The following FAP variants were observed in gnomAD, a reference collection of about 807,000 sequenced individuals.
FAP encodes the protein fibroblast activation protein alpha, also known as prolyl endopeptidase FAP.
A neutral mutation model predicts 126.5 loss-of-function variants in FAP; 110 were observed. That is an observed-to-expected ratio of 0.87 (90% CI 0.74 to 1.02). The LOEUF (loss-of-function observed/expected upper bound fraction) is 1.02, where lower values mean the gene tolerates loss of function less well. FAP is among the 50% of genes least tolerant of loss of function. FAP has a pLI of 0.00. For missense variants in FAP, 919 were observed against 909.2 expected, an observed-to-expected ratio of 1.01 and a Z score of -0.14; for synonymous variants, 334 against 297.3, an observed-to-expected ratio of 1.12 and a Z score of -1.27.
chr2:162,199,610 T>G (rs992880392), intron 15 of FAP, among the ~76,000 whole-genome samples: 1 of 152,196 alleles, frequency 6.6e-6, no homozygotes, highest in Non-Finnish European at 1.5e-5. Context: ...TTAGAGGATG[T>G]CATGCCAGGG....
intron 5 of FAP, 57 bp from the exon 6 acceptor site, chr2:162,223,717 A>G (rs879876579): frequency 1.9e-6 from 2 of 1,070,560 alleles, no homozygotes; most frequent in Admixed American, 1.7e-5. Context: ...GCTTATATCA[A>G]TAATGTATAA....
At chr2:162,195,817 G>C (rs1307655891) in intron 16 of FAP, among the ~76,000 whole-genome samples, 2 of 152,118 alleles carry the variant, frequency 1.3e-5, no homozygotes, top group Non-Finnish European at 2.9e-5. Context: ...TAGGTTAAAA[G>C]CAACAAATGT....
chr2:162,242,896 G>A lies in FAP; in HGVS notation c.91+12C>T. On this transcript the variant is annotated intron_variant, in intron 2 of 25. Transcript: ENST00000188790. ...TTCTAGGCAGATAGAGCAAATCAGA[G>A]AAAGTTCTTACCTCTTGAAGGGCGT... 1 of 1,607,940 alleles carries A rather than the reference G, an allele frequency of 6.2e-7. No homozygotes were observed. Among genetic ancestry groups the A allele is most frequent in the Non-Finnish European group, 8.5e-7 (1 of 1,175,338 alleles).
intron 11 of FAP, among the ~76,000 whole-genome samples, chr2:162,213,392 CAAAA>C (rs1386245442): frequency 2.8e-5 from 4 of 142,416 alleles, no homozygotes; most frequent in Admixed American, 2.1e-4. Context: ...AAACAAAAAA[CAAAA>C]AAACAAACAA....
chr2:162,186,632 T>G (rs1687876052), intron 20 of FAP, among the ~76,000 whole-genome samples: 1 of 152,118 alleles, frequency 6.6e-6, no homozygotes, highest in Non-Finnish European at 1.5e-5. Flanking sequence ...ATAAACAACT[T>G]TTTAGCTCTT....
intron 2 of FAP, among the ~76,000 whole-genome samples, chr2:162,232,339 C>A (rs1208841196): frequency 6.6e-6 from 1 of 152,224 alleles, no homozygotes; most frequent in Non-Finnish European, 1.5e-5. Context: ...GGTGAGCTAA[C>A]TTGCCTAATA....
chr2:162,238,759 T>C (rs890269397), intron 2 of FAP, among the ~76,000 whole-genome samples: 2 of 152,192 alleles, frequency 1.3e-5, no homozygotes, highest in Non-Finnish European at 2.9e-5. Context: ...TTGAAGATGA[T>C]TTTATCTCAC....
intron 11 of FAP, among the ~76,000 whole-genome samples, chr2:162,211,421 T>C (rs1688929229): frequency 6.6e-6 from 1 of 152,212 alleles, no homozygotes; most frequent in Non-Finnish European, 1.5e-5. Flanking sequence ...GTTGTTGTTA[T>C]AGCAGTTAGC....
chr2:162,195,011 T>C (rs545377457), intron 16 of FAP: 5 of 478,906 alleles, frequency 1.0e-5, no homozygotes, highest in African/African-American at 7.8e-5. Context: ...ATCATTAATA[T>C]CGAATTACAC....
chr2:162,171,016 G>T lies in FAP; in HGVS notation c.2246C>A (p.Thr749Asn), dbSNP rs1176627851. 6.2e-7 allele frequency: 1 copy of T among 1,613,326 alleles called. No individual in the cohort carries two copies. Among genetic ancestry groups the T allele is most frequent in the Admixed American group, 1.7e-5 (1 of 59,986 alleles). ...LSTNHLYTHM[T>N]HFLKQCFSLS... ...AGAGAAACACTGCTTTAGGAAGTGGGTCATGTGGGTGTATAAGTGGTTCGT... is the reference window on the plus strand; with the variant it reads ...AGAGAAACACTGCTTTAGGAAGTGGTTCATGTGGGTGTATAAGTGGTTCGT... Residue 749 changes from threonine (T) to asparagine (N), a missense_variant, in exon 26 of 26, where the codon ACC (threonine) becomes AAC (asparagine). Coordinates refer to ENST00000188790, the MANE Select transcript of FAP (RefSeq NM_004460.5).
intron 21 of FAP, among the ~76,000 whole-genome samples, chr2:162,180,361 A>G (rs1443368107): frequency 2.6e-5 from 4 of 152,152 alleles, no homozygotes; most frequent in African/African-American, 9.7e-5. Flanking sequence ...AATTAGAATA[A>G]ATTGAAGTGC....
At chr2:162,202,972 A>G (rs1227555431) in intron 13 of FAP, 30 bp from the exon 14 acceptor site, 4 of 1,607,258 alleles carry the variant, frequency 2.5e-6, no homozygotes, top group Non-Finnish European at 2.6e-6. Context: ...ATGTTGTGTG[A>G]AACTGAGCGT....
Position 162,224,489 on chromosome 2 carries a change from A to C in FAP, c.337T>G (p.Tyr113Asp), listed in dbSNP as rs1330821683. Residue 113 changes from tyrosine to aspartate, a missense_variant, in exon 5 of 26, where the codon TAT becomes GAT. Transcript: ENST00000188790. Reference sequence around the variant, plus strand: ...ACCTTTGAATAATCACTTTCTAGATATACAAATTGCCGATCAGGTGATAAG... The same window carrying C: ...ACCTTTGAATAATCACTTTCTAGATCTACAAATTGCCGATCAGGTGATAAG... ...YGLSPDRQFV[Y>D]LESDYSKLWR... 1 of 1,596,200 alleles carries C rather than the reference A, an allele frequency of 6.3e-7. No homozygotes were observed. Among genetic ancestry groups the C allele is most frequent in the African/African-American group, 1.3e-5 (1 of 74,296 alleles).
intron 2 of FAP, among the ~76,000 whole-genome samples, chr2:162,240,407 T>G (rs6722875): frequency 0.021 from 3,126 of 152,296 alleles, 95 homozygotes; most frequent in African/African-American, 0.072. Flanking sequence ...CCTTTCTCTT[T>G]TTTCTTTCCT....
intron 21 of FAP, among the ~76,000 whole-genome samples, chr2:162,183,186 T>C (rs1346164481): frequency 6.6e-6 from 1 of 152,246 alleles, no homozygotes; most frequent in African/African-American, 2.4e-5. Flanking sequence ...AGTAAAAATA[T>C]GTCAATTATG....
At chr2:162,182,217 A>G (rs1180950333) in intron 21 of FAP, among the ~76,000 whole-genome samples, 4 of 152,356 alleles carry the variant, frequency 2.6e-5, no homozygotes, top group South Asian at 4.1e-4. Flanking sequence ...TAAATAAAAT[A>G]AAAAGTTCTA....
At chr2:162,173,084 T>C in intron 24 of FAP, 65 bp downstream of exon 24, 1 of 1,449,382 alleles carries the variant, frequency 6.9e-7, no homozygotes, top group Non-Finnish European at 9.7e-7. Context: ...GGATGCTTAA[T>C]GTTTCTTAAA....
At chr2:162,183,112 G>A (rs946522949) in intron 21 of FAP, among the ~76,000 whole-genome samples, 1 of 151,820 alleles carries the variant, frequency 6.6e-6, no homozygotes, top group Non-Finnish European at 1.5e-5. Context: ...AAATAACAAA[G>A]GCAATTCACC....
At chr2:162,195,070 C>A in intron 16 of FAP, 2 of 352,128 alleles carry the variant, frequency 5.7e-6, no homozygotes, top group Non-Finnish European at 5.4e-6. Flanking sequence ...GGGAAGATGT[C>A]ATGCTGTATT....
Sources: gnomAD v4.1 joint callset for allele counts (sites outside exome capture counted in the v4.1 genomes callset) on GRCh38, gnomAD v4.1.1 for gene constraint, MANE v1.5 for transcripts, NCBI Gene and HGNC (gene_info 2026-07-23, HGNC 2026-07-21) for gene names.